The following KCNIP1 variants were observed in gnomAD, a reference collection of about 807,000 sequenced individuals.
The protein encoded by KCNIP1 is potassium voltage-gated channel interacting protein 1.
Under a neutral mutation model 33.0 loss-of-function variants are expected in KCNIP1, and 18 were observed. That is an observed-to-expected ratio of 0.55 (90% CI 0.38 to 0.81). The LOEUF (loss-of-function observed/expected upper bound fraction) is 0.81, where lower values mean the gene tolerates loss of function less well. Among genes scored for constraint, KCNIP1 ranks in the 30% least tolerant of loss-of-function variants. The probability of loss-of-function intolerance (pLI) is 0.00; values close to 1 mark genes in which losing one functional copy is unlikely to be tolerated. For synonymous variants in KCNIP1, 93 were observed against 98.3 expected (o/e 0.95, Z 0.32); for missense variants, 238 against 271.6 (o/e 0.88, Z 0.87).
chr5:170,539,719 C>T (rs1756125852), intron 1 of KCNIP1, among the ~76,000 whole-genome samples: 1 of 152,176 alleles, frequency 6.6e-6, no homozygotes. Context: ...TCACCATTGT[C>T]TCTAGCACCT....
At chr5:170,683,655 G>A (rs1273947328) in intron 1 of KCNIP1, among the ~76,000 whole-genome samples, 3 of 151,958 alleles carry the variant, frequency 2.0e-5, no homozygotes, top group Non-Finnish European at 4.4e-5. Flanking sequence ...GAGAGCAGTG[G>A]AACATCTCCA....
rs750166843 is a variant in KCNIP1, at chr5:170,504,553, G to A, written c.-20G>A. On this transcript the variant is annotated 5_prime_UTR_variant, in exon 1 of 8. Coordinates refer to ENST00000328939, the MANE Select transcript of KCNIP1 (RefSeq NM_014592.4). The surrounding 1 kb of genome is among the most constrained non-coding windows in gnomAD (Gnocchi z 6.0). ...GGGGCCGGGCCCGGGGTCCCAACTCGCACTCAAGTCTTCGCTGCCATGGGG... is the reference window on the plus strand; with the variant it reads ...GGGGCCGGGCCCGGGGTCCCAACTCACACTCAAGTCTTCGCTGCCATGGGG... The A allele has an allele frequency of 6.0e-5, 96 of 1,612,498 alleles. No individual in the cohort carries two copies. The Admixed American group carries it at 1.3e-3, about 22-fold the overall frequency.
chr5:170,396,758 C>T (rs1387906083), intron 1 of KCNIP1, among the ~76,000 whole-genome samples: 1 of 152,142 alleles, frequency 6.6e-6, no homozygotes, highest in Non-Finnish European at 1.5e-5. Flanking sequence ...ATGAAGCCTC[C>T]AGGTAGCAGG....
chr5:170,732,252 T>C (rs540927420), intron 5 of KCNIP1, among the ~76,000 whole-genome samples: 1 of 152,302 alleles, frequency 6.6e-6, no homozygotes, highest in Non-Finnish European at 1.5e-5. Context: ...TGTACCTTGA[T>C]AAACACGGAA....
At chr5:170,583,029 G>A (rs191096657) in intron 1 of KCNIP1, among the ~76,000 whole-genome samples, 48 of 152,294 alleles carry the variant, frequency 3.2e-4, no homozygotes, top group African/African-American at 1.0e-3. Flanking sequence ...TTGCCTACAC[G>A]ATAAAAATGG....
rs1284885815 is a variant in KCNIP1 at position 170,359,934 on chromosome 5, G to C, written c.88+5970G>C. On this transcript the variant is annotated intron_variant, in intron 1 of 7. Transcript: ENST00000377360. ...TACCATGCAGGAGTAATTTGTTCAGGGCCATTTATCCTGGCACTGCTGCAC... is the reference window on the plus strand; with the variant it reads ...TACCATGCAGGAGTAATTTGTTCAGCGCCATTTATCCTGGCACTGCTGCAC... Among the ~76,000 whole-genome samples the C allele has an allele frequency of 2.0e-5, 3 of 152,140 alleles. No homozygotes were observed. In the East Asian group the frequency reaches 5.8e-4, roughly 29 times the overall value.
intron 1 of KCNIP1, among the ~76,000 whole-genome samples, chr5:170,695,490 G>T (rs1265333354): frequency 6.6e-6 from 1 of 152,160 alleles, no homozygotes; most frequent in African/African-American, 2.4e-5. Context: ...TAGCAACACT[G>T]GTTAATTTCC....
chr5:170,715,521 T>C (rs1202508669), intron 1 of KCNIP1, among the ~76,000 whole-genome samples: 1 of 152,172 alleles, frequency 6.6e-6, no homozygotes, highest in African/African-American at 2.4e-5. Flanking sequence ...TCCTCTAGAG[T>C]TGGTGATTCC....
chr5:170,380,456 G>A (rs538274185), intron 1 of KCNIP1, among the ~76,000 whole-genome samples: 3 of 152,176 alleles, frequency 2.0e-5, no homozygotes, highest in Non-Finnish European at 4.4e-5. Context: ...TGCAGGCCTC[G>A]GCCACTCCCT....
At chr5:170,359,250 G>A (rs1343971157) in intron 1 of KCNIP1, among the ~76,000 whole-genome samples, 1 of 152,198 alleles carries the variant, frequency 6.6e-6, no homozygotes, top group African/African-American at 2.4e-5. Flanking sequence ...GGCCAAGTGT[G>A]AGAAGTGTTC....
chr5:170,465,816 T>C (rs1756598170), intron 1 of KCNIP1, among the ~76,000 whole-genome samples: 1 of 152,164 alleles, frequency 6.6e-6, no homozygotes, highest in Non-Finnish European at 1.5e-5. Context: ...AAGAACATTC[T>C]AGAACAAGTG....
intron 1 of KCNIP1, among the ~76,000 whole-genome samples, chr5:170,649,940 G>C (rs1484459800): frequency 6.6e-6 from 1 of 152,170 alleles, no homozygotes; most frequent in Non-Finnish European, 1.5e-5. Context: ...GAAGTTGGGG[G>C]TAAGTAAGAG....
chr5:170,383,741 A>T, intron 1 of KCNIP1: 1 of 1,614,174 alleles, frequency 6.2e-7, no homozygotes, highest in Non-Finnish European at 8.5e-7. Flanking sequence ...CCGGCAGCTG[A>T]CACGTTGACC....
chr5:170,594,387 C>T (rs548599181), intron 1 of KCNIP1, among the ~76,000 whole-genome samples: 1 of 152,270 alleles, frequency 6.6e-6, no homozygotes, highest in Admixed American at 6.5e-5. Context: ...GACTCTTTCC[C>T]CACCAGAAGA....
rs76916347 is a variant in KCNIP1 at position 170,641,891 on chromosome 5, C to A, written c.62-76867C>A. Among the ~76,000 whole-genome samples the A allele has an allele frequency of 8.3e-3, 1,257 of 152,272 alleles. 11 individuals are homozygous for A. Among genetic ancestry groups the A allele is most frequent in the African/African-American group, 0.029 (1,197 of 41,548 alleles). On this transcript the variant is annotated intron_variant, in intron 1 of 7. Coordinates refer to ENST00000328939, the MANE Select transcript of KCNIP1 (RefSeq NM_014592.4). ...GTCCTGCCTGGATGCTCAGAAGGCC[C>A]TCGTCCTCGGTGGCATGCAGCCTCG... is the stretch of plus-strand genomic sequence containing the variant.
At chr5:170,464,217 ATAT>A (rs1756562774) in intron 1 of KCNIP1, among the ~76,000 whole-genome samples, 1 of 152,212 alleles carries the variant, frequency 6.6e-6, no homozygotes, top group Admixed American at 6.5e-5. Flanking sequence ...GCAATACTTA[ATAT>A]TATAAAGTGA....
At chr5:170,566,117 CT>C (rs1333282602) in intron 1 of KCNIP1, among the ~76,000 whole-genome samples, 200 of 152,076 alleles carry the variant, frequency 1.3e-3, no homozygotes, top group African/African-American at 4.2e-3. Context: ...CAACCTCTGC[CT>C]CCCGGGTTCA....
chr5:170,561,151 G>A, intron 1 of KCNIP1: 1 of 455,708 alleles, frequency 2.2e-6, no homozygotes, highest in Admixed American at 2.4e-5. Flanking sequence ...ATGTGTTTAT[G>A]CTCCTTCGAG....
chr5:170,459,685 A>G (rs1006922590), intron 1 of KCNIP1, among the ~76,000 whole-genome samples: 1 of 152,216 alleles, frequency 6.6e-6, no homozygotes, highest in Non-Finnish European at 1.5e-5. Flanking sequence ...GGGATCCAGC[A>G]AAGGGGATGC....
Sources: allele counts gnomAD v4.1 joint callset (sites outside exome capture counted in the v4.1 genomes callset), GRCh38; gene constraint gnomAD v4.1.1; non-coding constraint Gnocchi (gnomAD v3.1); transcripts MANE v1.5; gene names NCBI Gene and HGNC (gene_info 2026-07-23, HGNC 2026-07-21).